The following SEC24D variants were observed in gnomAD, a reference collection of about 807,000 sequenced individuals.
The protein encoded by SEC24D is protein transport protein Sec24D.
SEC24D carries 69 observed loss-of-function variants against 116.9 expected under a neutral mutation model. That is an observed-to-expected ratio of 0.59 (90% confidence interval 0.49 to 0.72). The LOEUF is 0.72. Among genes scored for constraint, SEC24D ranks in the 30% least tolerant of loss-of-function variants. SEC24D has a pLI of 0.00. For synonymous variants in SEC24D, 405 were observed against 442.8 expected, an observed-to-expected ratio of 0.91 and a Z score of 1.07; for missense variants, 1,131 against 1,264.1, an observed-to-expected ratio of 0.89 and a Z score of 1.60.
chr4:118,759,361 C>A (rs1177143495), intron 10 of SEC24D, among the ~76,000 whole-genome samples: 1 of 152,174 alleles, frequency 6.6e-6, no homozygotes, highest in African/African-American at 2.4e-5. Flanking sequence ...CCCATCCCTA[C>A]TCTTAACCAT....
chr4:118,762,422 C>T (rs1727430914), intron 10 of SEC24D, among the ~76,000 whole-genome samples: 1 of 152,148 alleles, frequency 6.6e-6, no homozygotes, highest in Admixed American at 6.5e-5. Context: ...GTACGCACCA[C>T]ATGGGTTCAC....
chr4:118,752,666 A>T, intron 12 of SEC24D, 31 bp downstream of exon 12: 2 of 1,493,814 alleles, frequency 1.3e-6, no homozygotes, highest in Non-Finnish European at 1.8e-6. Context: ...CACCTGATTT[A>T]CTTTTAAATT....
At position 118,810,906 on chromosome 4, in the gene SEC24D, G is replaced by A. The variant is rs575414479; in HGVS notation, c.801+4122C>T. ...ACAAAGGAGACACAGCCTCCAGTGG[G>A]GTAGGCAGAGATATAAGCAAATGGG... On this transcript the variant is annotated intron_variant, in intron 6 of 22. Transcript: ENST00000280551. Among the ~76,000 whole-genome samples the A allele has an allele frequency of 1.5e-4, 23 of 152,240 alleles. No individual in the cohort carries two copies. The South Asian group carries it at 4.4e-3, about 29-fold the overall frequency.
intron 11 of SEC24D, among the ~76,000 whole-genome samples, chr4:118,755,980 AAGGAAAG>A (rs2110460985): frequency 6.6e-6 from 1 of 152,290 alleles, no homozygotes; most frequent in East Asian, 1.9e-4. Flanking sequence ...AATGACACCA[AAGGAAAG>A]AGTATGATTT....
At chr4:118,740,377 G>T (rs1726169205) in intron 17 of SEC24D, among the ~76,000 whole-genome samples, 1 of 152,158 alleles carries the variant, frequency 6.6e-6, no homozygotes, top group South Asian at 2.1e-4. Context: ...CCTAACAGAA[G>T]TGAATACCGT....
intron 10 of SEC24D, among the ~76,000 whole-genome samples, chr4:118,763,543 CCT>C (rs1286627618): frequency 1.3e-5 from 2 of 151,996 alleles, no homozygotes; most frequent in Admixed American, 1.3e-4. Context: ...TTAGAATGGC[CCT>C]GTTTCTTCAA....
At chr4:118,756,083 T>C (rs1727078564) in intron 11 of SEC24D, among the ~76,000 whole-genome samples, 1 of 150,764 alleles carries the variant, frequency 6.6e-6, no homozygotes, top group African/African-American at 2.4e-5. Context: ...TCTAGGATAA[T>C]AGATTAGCCT....
chr4:118,803,036 G>A (rs1214049596), intron 7 of SEC24D, among the ~76,000 whole-genome samples: 1 of 152,198 alleles, frequency 6.6e-6, no homozygotes, highest in African/African-American at 2.4e-5. Flanking sequence ...GGAGCCTAGA[G>A]TAGGCAAACT....
intron 13 of SEC24D, among the ~76,000 whole-genome samples, chr4:118,751,283 ATTC>A (rs1332294985): frequency 6.7e-6 from 1 of 149,644 alleles, no homozygotes; most frequent in East Asian, 2.0e-4. Context: ...GGTTCAAACG[ATTC>A]TCCCACCTCA....
At chr4:118,740,403 T>C (rs1318813577) in intron 17 of SEC24D, among the ~76,000 whole-genome samples, 1 of 151,230 alleles carries the variant, frequency 6.6e-6, no homozygotes, top group Non-Finnish European at 1.5e-5. Flanking sequence ...GTCAGTTTGC[T>C]GATGCCTGTG....
intron 10 of SEC24D, among the ~76,000 whole-genome samples, chr4:118,762,218 C>T (rs1727418271): frequency 6.6e-6 from 1 of 150,930 alleles, no homozygotes; most frequent in Admixed American, 6.6e-5. Context: ...AAGCTGAGGC[C>T]TTTTTTTTTC....
chr4:118,786,126 C>G (rs1728657194), intron 8 of SEC24D, among the ~76,000 whole-genome samples: 1 of 152,110 alleles, frequency 6.6e-6, no homozygotes, highest in Non-Finnish European at 1.5e-5. Flanking sequence ...ATTTATGCAC[C>G]TAACTCCATC....
In SEC24D at chr4:118,815,123, G is replaced by A; in HGVS notation, c.706C>T (p.Leu236=). ...CCAGGGAAGCCTCCTGGGTAAGACA[G>A]TTGTGCGCCTGCCATCTGGGGACCA... is the stretch of plus-strand genomic sequence containing the variant. ...NSGPQMAGAQ[L]SYPGGFPGGP... The change falls in exon 6 of 23, where the codon CTG becomes TTG. Residue 236 remains leucine, a synonymous_variant. Transcript: ENST00000280551. 6.2e-7 allele frequency: 1 copy of A among 1,614,166 alleles called. No individual in the cohort carries two copies. The highest frequency in any genetic ancestry group is 8.5e-7 in the Non-Finnish European group (1 of 1,180,012).
chr4:118,763,567 G>A (rs1327747715), intron 10 of SEC24D, among the ~76,000 whole-genome samples: 3 of 152,174 alleles, frequency 2.0e-5, no homozygotes, highest in African/African-American at 7.2e-5. Context: ...TCTACACATG[G>A]TGCTTCAGAT....
intron 8 of SEC24D, among the ~76,000 whole-genome samples, chr4:118,796,847 T>A (rs149830234): frequency 6.6e-6 from 1 of 152,356 alleles, no homozygotes; most frequent in Non-Finnish European, 1.5e-5. Context: ...AGGTTTATGC[T>A]GGGAGGGAAT....
chr4:118,744,911 T>C, intron 14 of SEC24D, 33 bp downstream of exon 14: 1 of 1,168,544 alleles, frequency 8.6e-7, no homozygotes, highest in Non-Finnish European at 1.3e-6. Context: ...TCTTAATAAT[T>C]GACATATGGA....
intron 13 of SEC24D, among the ~76,000 whole-genome samples, chr4:118,750,197 C>T (rs764861336): frequency 7.9e-5 from 12 of 152,306 alleles, no homozygotes; most frequent in Middle Eastern, 3.4e-3. Flanking sequence ...CGTTGTACTG[C>T]GTGAGCAACC....
At position 118,815,538 on chromosome 4, in the gene SEC24D, G is replaced by A. The variant is rs574038799; in HGVS notation, c.586C>T (p.Leu196Phe). 37 of 1,614,166 alleles carry A rather than the reference G, an allele frequency of 2.3e-5. No homozygotes were observed. In the South Asian group the frequency reaches 3.7e-4, roughly 16 times the overall value. ...GCATTTGGAGGAGGAGGCCCAGAGAGCCCATCTGGTCTGTACATTGGTAGA... is the reference window on the plus strand; with the variant it reads ...GCATTTGGAGGAGGAGGCCCAGAGAACCCATCTGGTCTGTACATTGGTAGA... ...LPLPMYRPDG[L>F]SGPPPPNAQY... is the part of the protein sequence containing the mutation. Residue 196 changes from leucine to phenylalanine, a missense_variant, in exon 5 of 23, where the codon CTC becomes TTC. By Grantham distance (22) the Leu-to-Phe change is conservative (BLOSUM62 0). Coordinates refer to ENST00000280551, the MANE Select transcript of SEC24D (RefSeq NM_014822.4).
rs764637109 is a variant in SEC24D, at chr4:118,731,363, G to A, written c.2821C>T (p.Gln941Ter). 4 of 1,613,948 alleles carry A rather than the reference G, an allele frequency of 2.5e-6. No homozygotes were observed. Among genetic ancestry groups the A allele is most frequent in the Non-Finnish European group, 2.5e-6 (3 of 1,179,896 alleles). Residue 941 changes from glutamine (Q) to a stop codon, truncating the protein, a stop_gained, in exon 21 of 23, where the codon CAA becomes TAA. Transcript: ENST00000280551. LOFTEE classifies it high-confidence loss of function. ...LGVSSPPELI[Q>*]GIFNVPSFAH... ...AAAGATGGCACATTAAATATTCCTT[G>A]GATCAGTTCTGGTGGGCTGCTTACT...
Sources: gnomAD v4.1 joint callset for allele counts (sites outside exome capture counted in the v4.1 genomes callset) on GRCh38, gnomAD v4.1.1 for gene constraint, MANE v1.5 for transcripts, NCBI Gene and HGNC (gene_info 2026-07-23, HGNC 2026-07-21) for gene names.